NMNAT3: variants seen among roughly 807,000 people sequenced by gnomAD.
NMNAT3 encodes nicotinamide nucleotide adenylyltransferase 3, also known as nicotinamide/nicotinic acid mononucleotide adenylyltransferase 3.
In NMNAT3, 21 loss-of-function variants were observed where a neutral mutation model predicts 24.8. That is an observed-to-expected ratio of 0.85 (90% CI 0.60 to 1.22). NMNAT3 has a LOEUF of 1.22. Ranked by LOEUF, NMNAT3 falls within the 50% of genes most tolerant of loss-of-function variation. The pLI, the probability that NMNAT3 is intolerant of heterozygous loss-of-function variation, is 0.00. For missense variants in NMNAT3, 387 were observed against 436.6 expected (o/e 0.89, Z 1.01); for synonymous variants, 136 against 155.2 (o/e 0.88, Z 0.92).
Position 139,575,772 on chromosome 3 carries a change from G to A in NMNAT3, c.576-2092C>T, listed in dbSNP as rs563954644. 27 of 1,154,442 alleles carry A rather than the reference G, an allele frequency of 2.3e-5. No individual in the cohort carries two copies. In the East Asian group the frequency reaches 1.7e-3, roughly 73 times the overall value. 71.5% of individuals were successfully genotyped at this position (1,154,442 alleles called of 1,614,324 possible). The stretch of plus-strand genomic sequence containing the variant: ...TACCTTGGGCCTGTGGATTGACCCT[G>A]GGGGCATGTTCTTGGTGTCCTCAGC... On this transcript the variant is annotated intron_variant, in intron 5 of 6. Transcript: ENST00000643695.
chr3:139,621,105 G>A (rs887924851), intron 3 of NMNAT3, among the ~76,000 whole-genome samples: 1 of 152,136 alleles, frequency 6.6e-6, no homozygotes, highest in South Asian at 2.1e-4. Context: ...AAGAAACTGC[G>A]AAGTTATTTT....
At chr3:139,626,032 T>C (rs1453322862) in intron 3 of NMNAT3, among the ~76,000 whole-genome samples, 1 of 152,178 alleles carries the variant, frequency 6.6e-6, no homozygotes, top group Non-Finnish European at 1.5e-5. Context: ...ATCTTTATTT[T>C]TGTTCTGTGG....
intron 6 of NMNAT3, chr3:139,571,538 T>C (rs1938340950): frequency 6.6e-6 from 1 of 152,110 alleles, no homozygotes. Flanking sequence ...AATAGTTACT[T>C]TAGAATAGAA....
intron 1 of NMNAT3, among the ~76,000 whole-genome samples, chr3:139,662,950 G>A (rs1208557894): frequency 6.6e-6 from 1 of 152,216 alleles, no homozygotes; most frequent in East Asian, 1.9e-4. Flanking sequence ...GCTTTTGAGG[G>A]AGGTACGACT....
At position 139,570,623 on chromosome 3, in the gene NMNAT3, G is replaced by T. The variant is rs546796646; in HGVS notation, c.658+2975C>A. 3.1e-3 allele frequency: 475 copies of T among 152,480 alleles called. 2 individuals are homozygous for T. Among genetic ancestry groups the T allele is most frequent in the South Asian group, 7.2e-3 (35 of 4,828 alleles). The allele number at this position is 152,480 out of a possible 1,614,324, so 9.4% of individuals were successfully genotyped here. A position where few individuals can be genotyped will look rare whatever the true frequency, so the allele number is the denominator to read the frequency against. On this transcript the variant is annotated intron_variant, in intron 6 of 6. Coordinates refer to ENST00000643695, the MANE Select transcript of NMNAT3 (RefSeq NM_001320510.2). ...TAGAGGTCCCCTCCAGACCCCGTTTGCCTGGGTATCAGCAGTGGTGGCTGC... is the reference window on the plus strand; with the variant it reads ...TAGAGGTCCCCTCCAGACCCCGTTTTCCTGGGTATCAGCAGTGGTGGCTGC...
intron 3 of NMNAT3, among the ~76,000 whole-genome samples, chr3:139,594,062 T>C (rs2054326952): frequency 6.6e-6 from 1 of 151,948 alleles, no homozygotes; most frequent in Admixed American, 6.6e-5. Flanking sequence ...GATAGATCAC[T>C]AGCAAGACTA....
chr3:139,646,218 G>T (rs1247873216), intron 1 of NMNAT3, among the ~76,000 whole-genome samples: 1 of 152,154 alleles, frequency 6.6e-6, no homozygotes, highest in Non-Finnish European at 1.5e-5. Context: ...ATGTTGAGAA[G>T]CCAAGCACCA....
intron 3 of NMNAT3, 50 bp downstream of exon 4, chr3:139,627,566 G>C: frequency 9.1e-7 from 1 of 1,094,406 alleles, no homozygotes; most frequent in Non-Finnish European, 1.3e-6. Context: ...AAAGCCCCAT[G>C]AAGCCTAACC....
intron 1 of NMNAT3, among the ~76,000 whole-genome samples, chr3:139,660,321 A>G (rs9856325): frequency 0.11 from 17,224 of 152,216 alleles, 1,087 homozygotes; most frequent in Non-Finnish European, 0.14. Context: ...TTTCACTATG[A>G]TTTTTGATTA....
chr3:139,594,215 A>G (rs1265686488), intron 3 of NMNAT3, among the ~76,000 whole-genome samples: 2 of 152,236 alleles, frequency 1.3e-5, no homozygotes, highest in Non-Finnish European at 2.9e-5. Context: ...AATCTAGAAG[A>G]AATGGATAAA....
At chr3:139,650,179 C>T (rs180840745) in intron 1 of NMNAT3, among the ~76,000 whole-genome samples, 1 of 152,154 alleles carries the variant, frequency 6.6e-6, no homozygotes, top group South Asian at 2.1e-4. Flanking sequence ...GAACCAATCC[C>T]TCTCTCTTCT....
At chr3:139,639,947 T>C (rs2056642308) in intron 1 of NMNAT3, among the ~76,000 whole-genome samples, 1 of 152,114 alleles carries the variant, frequency 6.6e-6, no homozygotes, top group Admixed American at 6.6e-5. Flanking sequence ...ACTCCTTCCA[T>C]ATATAATACA....
At chr3:139,653,963 C>A (rs1299764608) in intron 1 of NMNAT3, among the ~76,000 whole-genome samples, 1 of 152,144 alleles carries the variant, frequency 6.6e-6, no homozygotes, top group Non-Finnish European at 1.5e-5. Flanking sequence ...GCAAATAGTG[C>A]CCTCTGACCA....
intron 5 of NMNAT3, among the ~76,000 whole-genome samples, chr3:139,574,122 T>C (rs1938907217): frequency 6.6e-6 from 1 of 152,192 alleles, no homozygotes; most frequent in Non-Finnish European, 1.5e-5. Context: ...GCCATGCACA[T>C]GAAGCACTGG....
intron 4 of NMNAT3, among the ~76,000 whole-genome samples, chr3:139,582,129 AG>A (rs2053649564): frequency 7.4e-6 from 1 of 135,076 alleles, no homozygotes. Flanking sequence ...CAGGAGGCAG[AG>A]GTTGCAGTGA....
At chr3:139,573,161 G>A (rs1006121953) in intron 6 of NMNAT3, among the ~76,000 whole-genome samples, 17 of 152,042 alleles carry the variant, frequency 1.1e-4, no homozygotes, top group African/African-American at 3.9e-4. Flanking sequence ...TTAAAAATAG[G>A]TTTCCTCTTT....
intron 1 of NMNAT3, among the ~76,000 whole-genome samples, chr3:139,643,474 A>G (rs1476272940): frequency 6.6e-6 from 1 of 152,246 alleles, no homozygotes; most frequent in Non-Finnish European, 1.5e-5. Context: ...GTGTCCATTA[A>G]CGGAAGAATG....
chr3:139,643,154 A>G (rs1190005225), intron 1 of NMNAT3, among the ~76,000 whole-genome samples: 1 of 152,206 alleles, frequency 6.6e-6, no homozygotes, highest in Non-Finnish European at 1.5e-5. Flanking sequence ...AATAAATTCA[A>G]AACCACAATG....
intron 3 of NMNAT3, among the ~76,000 whole-genome samples, chr3:139,587,430 G>C (rs140750200): frequency 6.6e-6 from 1 of 152,178 alleles, no homozygotes; most frequent in Non-Finnish European, 1.5e-5. Context: ...TGGAGCGAGA[G>C]TGGATAGATG....
Sources: allele counts gnomAD v4.1 joint callset (sites outside exome capture counted in the v4.1 genomes callset), GRCh38; gene constraint gnomAD v4.1.1; transcripts MANE v1.5; gene names NCBI Gene and HGNC (gene_info 2026-07-23, HGNC 2026-07-21).